GOSR1: variants seen among roughly 807,000 people sequenced by gnomAD.
The protein encoded by GOSR1 is 28 kDa Golgi SNARE protein.
In GOSR1, 21 loss-of-function variants were observed where a neutral mutation model predicts 35.5. The observed-to-expected ratio is 0.59, with a 90% CI of 0.42 to 0.85. The LOEUF is 0.85. GOSR1 is among the 40% of genes least tolerant of loss of function. The probability of loss-of-function intolerance (pLI) is 0.00; values close to 1 mark genes in which losing one functional copy is unlikely to be tolerated. For synonymous variants in GOSR1, 94 were observed against 106.6 expected (o/e 0.88, Z 0.73); for missense variants, 285 against 309.6 (o/e 0.92, Z 0.60).
intron 5 of GOSR1, among the ~76,000 whole-genome samples, chr17:30,490,587 A>G (rs1914981310): frequency 6.6e-6 from 1 of 152,142 alleles, no homozygotes; most frequent in African/African-American, 2.4e-5. Context: ...TAATTGTAAC[A>G]TTATCAGTAA....
chr17:30,483,053 C>T (rs1914451834), intron 2 of GOSR1: 1 of 151,916 alleles, frequency 6.6e-6, no homozygotes, highest in Admixed American at 6.6e-5. Flanking sequence ...TGTTTGATGC[C>T]CAGGTTGGAA....
At chr17:30,503,874 T>G (rs1274397461) in intron 6 of GOSR1, among the ~76,000 whole-genome samples, 2 of 152,186 alleles carry the variant, frequency 1.3e-5, no homozygotes, top group African/African-American at 4.8e-5. Context: ...CGTACTCATG[T>G]ATATTTTGAA....
intron 2 of GOSR1, among the ~76,000 whole-genome samples, chr17:30,483,551 A>T (rs1914485281): frequency 6.6e-6 from 1 of 152,190 alleles, no homozygotes; most frequent in African/African-American, 2.4e-5. Flanking sequence ...CATTTGCCAC[A>T]CCCAGGCACT....
At chr17:30,521,264 C>T (rs1968024684) in intron 8 of GOSR1, among the ~76,000 whole-genome samples, 1 of 147,388 alleles carries the variant, frequency 6.8e-6, no homozygotes, top group South Asian at 2.2e-4. Context: ...TCACTGCAAC[C>T]TCCAGCCTCT....
intron 6 of GOSR1, among the ~76,000 whole-genome samples, chr17:30,499,696 G>C (rs1445298289): frequency 6.6e-6 from 1 of 152,170 alleles, no homozygotes; most frequent in Non-Finnish European, 1.5e-5. Context: ...TGTATGGTAA[G>C]GATGTGTTCC....
rs778110208 is a variant in GOSR1 at position 30,484,260 on chromosome 17, T to G, written c.193T>G (p.Phe65Val). Residue 65 changes from phenylalanine to valine, a missense_variant, in exon 3 of 9, where the codon TTT becomes GTT. Physicochemically the swap from Phe to Val is conservative, Grantham distance 50. Coordinates refer to ENST00000451249, the MANE Select transcript of GOSR1 (RefSeq NM_001007025.2). ...AAATGGATCAAGCCAAGACAGAATG[T>G]TTGAGACAATGGCGATTGAGATTGA... ...LLNGSSQDRM[F>V]ETMAIEIEQL... 6.2e-6 allele frequency: 10 copies of G among 1,612,286 alleles called. No individual in the cohort carries two copies. The highest frequency in any genetic ancestry group is 6.8e-6 in the Non-Finnish European group (8 of 1,178,506).
intron 7 of GOSR1, among the ~76,000 whole-genome samples, chr17:30,515,507 A>G (rs1967770779): frequency 6.6e-6 from 1 of 152,020 alleles, no homozygotes; most frequent in African/African-American, 2.4e-5. Flanking sequence ...TAGGTCTTCT[A>G]CTGGACTAGG....
rs543867363 is a variant in GOSR1, at chr17:30,488,715, TTTAGTA to T, written c.343-1410_343-1405del. On this transcript the variant is annotated intron_variant, in intron 4 of 8. Coordinates refer to ENST00000451249, the MANE Select transcript of GOSR1 (RefSeq NM_001007025.2). ...CACCACACCGGCTAAGTTTTGTGTT[TTTAGTA>T]GAGACGGGGTTTCGCCATGTTGGCC... 2.9e-3 allele frequency among the ~76,000 whole-genome samples: 443 copies of T among 152,032 alleles called. 1 individual carries two copies. Among genetic ancestry groups the T allele is most frequent in the Non-Finnish European group, 4.7e-3 (322 of 67,962 alleles).
intron 8 of GOSR1, among the ~76,000 whole-genome samples, chr17:30,521,768 A>G (rs1355159411): frequency 6.6e-6 from 1 of 152,106 alleles, no homozygotes; most frequent in African/African-American, 2.4e-5. Context: ...GCGGGAAAAG[A>G]TCAGGTATTT....
At chr17:30,521,870 C>T (rs1009462499) in intron 8 of GOSR1, among the ~76,000 whole-genome samples, 6 of 152,088 alleles carry the variant, frequency 3.9e-5, no homozygotes, top group Non-Finnish European at 5.9e-5. Flanking sequence ...GTGGTGGTGG[C>T]GATGGGAGCT....
chr17:30,498,517 A>AG (rs1437346382), intron 6 of GOSR1, among the ~76,000 whole-genome samples: 9 of 152,218 alleles, frequency 5.9e-5, no homozygotes, highest in Non-Finnish European at 1.0e-4. Context: ...AGCTTCTGAA[A>AG]GGGCTTTAGA....
rs1967966377 is a variant in GOSR1, at chr17:30,520,012, A to G, written c.613A>G (p.Thr205Ala). ...MLKSIHSKMN[T>A]LANRFPAVNS... ...GAAGTCAATTCACAGCAAAATGAAC[A>G]CTTTGGCCAGTATCCTTTTTGAATG... The change falls in exon 8 of 9, where the codon ACT becomes GCT. Residue 205 changes from threonine to alanine, a missense_variant. Physicochemically the swap from Thr to Ala is moderately conservative, Grantham distance 58. Transcript: ENST00000451249. 6 of 1,597,492 alleles carry G rather than the reference A, an allele frequency of 3.8e-6. No homozygotes were observed. Among genetic ancestry groups the G allele is most frequent in the Non-Finnish European group, 5.1e-6 (6 of 1,165,082 alleles).
chr17:30,506,418 A>G (rs1967405716), intron 6 of GOSR1, among the ~76,000 whole-genome samples: 1 of 152,226 alleles, frequency 6.6e-6, no homozygotes, highest in Non-Finnish European at 1.5e-5. Flanking sequence ...TAGAAGATCA[A>G]ACCACCCACA....
chr17:30,503,761 C>G (rs1967297932), intron 6 of GOSR1, among the ~76,000 whole-genome samples: 4 of 152,154 alleles, frequency 2.6e-5, no homozygotes, highest in Admixed American at 2.6e-4. Context: ...TGTGGAATTC[C>G]TGTGTGATTC....
chr17:30,484,316 T>A lies in GOSR1; in HGVS notation c.234+15T>A, dbSNP rs763435142. The A allele has an allele frequency of 1.4e-6, 2 of 1,419,000 alleles. No individual in the cohort carries two copies. The highest frequency in any genetic ancestry group is 1.0e-6 in the Non-Finnish European group (1 of 1,001,894). The allele number at this position is 1,419,000 out of a possible 1,614,324, so 87.9% of individuals were successfully genotyped here. A position where few individuals can be genotyped will look rare whatever the true frequency, so the allele number is the denominator to read the frequency against. ...TTTTGGCAAGGGTAAGTGCTTTCTG[T>A]TAAATGGCTATTTTGCAAATAACTG... On this transcript the variant is annotated intron_variant, in intron 3 of 8. Transcript: ENST00000451249.
chr17:30,507,398 A>G (rs1967440670), intron 6 of GOSR1, among the ~76,000 whole-genome samples: 1 of 152,194 alleles, frequency 6.6e-6, no homozygotes, highest in Non-Finnish European at 1.5e-5. Flanking sequence ...ATGTGGCAGA[A>G]CTAGCAAGAG....
intron 2 of GOSR1, among the ~76,000 whole-genome samples, chr17:30,481,572 G>T (rs893654422): frequency 6.6e-6 from 1 of 151,666 alleles, no homozygotes; most frequent in Admixed American, 6.6e-5. Flanking sequence ...TGATTTGCCC[G>T]TGTGGCATGT....
intron 6 of GOSR1, among the ~76,000 whole-genome samples, chr17:30,504,582 G>A (rs6505190): frequency 6.6e-6 from 1 of 152,084 alleles, no homozygotes; most frequent in African/African-American, 2.4e-5. Context: ...AATAGAAAAT[G>A]GTTTCATTAC....
intron 6 of GOSR1, among the ~76,000 whole-genome samples, chr17:30,505,637 G>A (rs1357605235): frequency 2.6e-5 from 4 of 152,174 alleles, no homozygotes; most frequent in Non-Finnish European, 5.9e-5. Flanking sequence ...CTGTTATAGC[G>A]ATCAGTGATC....
Sources: allele counts gnomAD v4.1 joint callset (sites outside exome capture counted in the v4.1 genomes callset), GRCh38; gene constraint gnomAD v4.1.1; transcripts MANE v1.5; gene names NCBI Gene and HGNC (gene_info 2026-07-23, HGNC 2026-07-21).